Variants in GLMN observed in about 807,000 individuals in gnomAD.
The protein encoded by GLMN is glomulin.
Under a neutral mutation model 87.8 loss-of-function variants are expected in GLMN, and 75 were observed. That is an observed-to-expected ratio of 0.85 (90% CI 0.71 to 1.04). The LOEUF is 1.04. GLMN is among the 50% of genes least tolerant of loss of function. The probability of loss-of-function intolerance (pLI) is 0.00; values close to 1 mark genes in which losing one functional copy is unlikely to be tolerated. For synonymous variants in GLMN, 206 were observed against 221.6 expected, an observed-to-expected ratio of 0.93 and a Z score of 0.63; for missense variants, 588 against 658.8, an observed-to-expected ratio of 0.89 and a Z score of 1.18.
chr1:92,286,434 G>A lies in GLMN; in HGVS notation c.735+56C>T, dbSNP rs531386949. 110 of 864,172 alleles carry A rather than the reference G, an allele frequency of 1.3e-4. 1 individual carries two copies. The East Asian group carries it at 2.4e-3, about 19-fold the overall frequency. The allele number at this position is 864,172 out of a possible 1,614,324, so 53.5% of individuals were successfully genotyped here. ...TGTATCAATTTACATGTGCAGTACTGAGAATATAGTGGGATAACATTTAAG... is the reference window on the plus strand; with the variant it reads ...TGTATCAATTTACATGTGCAGTACTAAGAATATAGTGGGATAACATTTAAG... On this transcript the variant is annotated intron_variant, in intron 7 of 18. Coordinates refer to ENST00000370360, the MANE Select transcript of GLMN (RefSeq NM_053274.3).
At chr1:92,281,989 C>T (rs1357774011) in intron 7 of GLMN, among the ~76,000 whole-genome samples, 1 of 152,134 alleles carries the variant, frequency 6.6e-6, no homozygotes, top group Non-Finnish European at 1.5e-5. Context: ...CCTTAGAGAC[C>T]TACAAAGATA....
chr1:92,334,015 C>A, the GLMN span, among the ~76,000 whole-genome samples: 1 of 152,088 alleles, frequency 6.6e-6, no homozygotes, highest in Non-Finnish European at 1.5e-5. Flanking sequence ...TTAAAAATTG[C>A]TATCTTGGTT....
At chr1:92,345,240 C>T in the GLMN span, among the ~76,000 whole-genome samples, 1 of 151,756 alleles carries the variant, frequency 6.6e-6, no homozygotes, top group Admixed American at 6.6e-5. Context: ...GCAGCATGTA[C>T]CTGTCATCCC....
chr1:92,252,202 C>T (rs966212611), intron 16 of GLMN, among the ~76,000 whole-genome samples: 4 of 152,102 alleles, frequency 2.6e-5, no homozygotes, highest in East Asian at 1.9e-4. Flanking sequence ...TCTAACCAAA[C>T]GTTTTCTTTT....
At chr1:92,298,892 G>C (rs1235682129) in intron 1 of GLMN, 33 bp downstream of exon 1, 6 of 409,448 alleles carry the variant, frequency 1.5e-5, no homozygotes, top group African/African-American at 4.1e-5. Flanking sequence ...CGCGAGCCCT[G>C]GCCACCCTGA....
upstream of GLMN, among the ~76,000 whole-genome samples, chr1:92,299,568 T>A (rs1360158773): frequency 6.6e-6 from 1 of 152,142 alleles, no homozygotes; most frequent in African/African-American, 2.4e-5. Context: ...AGAGGACGTT[T>A]GGCAGACGGA....
intron 16 of GLMN, among the ~76,000 whole-genome samples, chr1:92,258,749 G>C (rs1369653072): frequency 1.3e-5 from 2 of 152,148 alleles, no homozygotes; most frequent in Non-Finnish European, 2.9e-5. Flanking sequence ...ACCGGGGCCT[G>C]TCAGGGTTCG....
At chr1:92,319,921 C>A in the GLMN span, among the ~76,000 whole-genome samples, 1 of 151,744 alleles carries the variant, frequency 6.6e-6, no homozygotes, top group Admixed American at 6.6e-5. Flanking sequence ...TCACTTGAAC[C>A]CGGGAGGCAG....
chr1:92,353,495 C>T, the GLMN span, among the ~76,000 whole-genome samples: 3 of 152,132 alleles, frequency 2.0e-5, no homozygotes, highest in Non-Finnish European at 4.4e-5. Flanking sequence ...CTACTATACA[C>T]GCAAAATGAG....
intron 9 of GLMN, among the ~76,000 whole-genome samples, chr1:92,268,572 A>G (rs1297908211): frequency 6.6e-6 from 1 of 152,280 alleles, no homozygotes; most frequent in Non-Finnish European, 1.5e-5. Context: ...CACTGTATGA[A>G]TAACAGAAAC....
At chr1:92,300,361 G>A, upstream of GLMN, 5 of 733,670 alleles carry the variant, frequency 6.8e-6, no homozygotes, top group Admixed American at 2.4e-5. Flanking sequence ...AGAGGGAAGG[G>A]AAAGATCTGG....
At chr1:92,363,080 C>A in the GLMN span, among the ~76,000 whole-genome samples, 6 of 152,180 alleles carry the variant, frequency 3.9e-5, no homozygotes, top group Admixed American at 6.5e-5. Context: ...AAAAAATGCA[C>A]ATTTGAAAAA....
At chr1:92,291,145 A>G (rs1168711270) in intron 4 of GLMN, among the ~76,000 whole-genome samples, 2 of 152,240 alleles carry the variant, frequency 1.3e-5, no homozygotes, top group Non-Finnish European at 2.9e-5. Context: ...TTGTTAAGAT[A>G]TAGCTTCCCA....
the GLMN span, among the ~76,000 whole-genome samples, chr1:92,353,205 T>C: frequency 2.0e-5 from 3 of 152,214 alleles, no homozygotes; most frequent in Non-Finnish European, 4.4e-5. Context: ...CTTAGGTATA[T>C]ACCTAGGAGT....
chr1:92,323,580 G>A, the GLMN span: 61 of 1,613,902 alleles, frequency 3.8e-5, no homozygotes, highest in Non-Finnish European at 4.8e-5. Context: ...GTGACAATGA[G>A]CAAGACTTTG....
chr1:92,341,070 G>A, the GLMN span, among the ~76,000 whole-genome samples: 2 of 151,966 alleles, frequency 1.3e-5, no homozygotes, highest in African/African-American at 2.4e-5. Flanking sequence ...CTGCCGTGTC[G>A]TGATCTCAAC....
At chr1:92,268,449 T>C (rs1231394355) in intron 9 of GLMN, among the ~76,000 whole-genome samples, 1 of 152,230 alleles carries the variant, frequency 6.6e-6, no homozygotes, top group Non-Finnish European at 1.5e-5. Flanking sequence ...TATATTCCAG[T>C]TGATTATTCT....
chr1:92,280,501 G>T (rs960385570), intron 7 of GLMN, among the ~76,000 whole-genome samples: 1 of 152,198 alleles, frequency 6.6e-6, no homozygotes, highest in African/African-American at 2.4e-5. Context: ...AAACCACAAA[G>T]ATGGGGAGAA....
the GLMN span, among the ~76,000 whole-genome samples, chr1:92,334,774 C>T: frequency 6.6e-6 from 1 of 152,068 alleles, no homozygotes; most frequent in Non-Finnish European, 1.5e-5. Flanking sequence ...ATCACAAGGT[C>T]AGGAGATCAA....
Sources: gnomAD v4.1 joint callset for allele counts (sites outside exome capture counted in the v4.1 genomes callset) on GRCh38, gnomAD v4.1.1 for gene constraint, MANE v1.5 for transcripts, NCBI Gene and HGNC (gene_info 2026-07-23, HGNC 2026-07-21) for gene names.